The following FBLN5 variants were observed in gnomAD, a reference collection of about 807,000 sequenced individuals.
FBLN5 encodes the protein fibulin-5.
A neutral mutation model predicts 61.6 loss-of-function variants in FBLN5; 24 were observed. The observed-to-expected ratio is 0.39, with a 90% confidence interval of 0.28 to 0.55. FBLN5 has a LOEUF of 0.55. Among genes scored for constraint, FBLN5 ranks in the 20% least tolerant of loss-of-function variants. FBLN5 has a pLI of 0.65. For synonymous variants in FBLN5, 213 were observed against 219.8 expected (o/e 0.97, Z 0.27); for missense variants, 470 against 594.1 (o/e 0.79, Z 2.17).
intron 4 of FBLN5, among the ~76,000 whole-genome samples, chr14:91,922,673 G>A (rs555939160): frequency 1.2e-4 from 18 of 152,338 alleles, no homozygotes; most frequent in Admixed American, 7.2e-4. Flanking sequence ...TTCCAGAGAC[G>A]TCTGATGGTG....
chr14:91,880,312 C>G (rs1889362919), intron 9 of FBLN5, among the ~76,000 whole-genome samples: 1 of 152,204 alleles, frequency 6.6e-6, no homozygotes, highest in Non-Finnish European at 1.5e-5. Context: ...CCCACTGAAT[C>G]ACACTTTAAC....
At position 91,942,136 on chromosome 14, in the gene FBLN5, G is replaced by A. The variant is rs148137041; in HGVS notation, c.72+771C>T. On this transcript the variant is annotated intron_variant, in intron 2 of 10. Transcript: ENST00000342058. ...CACTCGGAGTTTTCAGGAGGGATCT[G>A]CCCACATTTCAGGGCTGACACACAG... The A allele has an allele frequency of 2.5e-4, 116 of 456,000 alleles. 3 individuals carry two copies. Among genetic ancestry groups the A allele is most frequent in the African/African-American group, 2.0e-3 (102 of 50,164 alleles). 28.2% of individuals were successfully genotyped at this position (456,000 alleles called of 1,614,324 possible). A position where few individuals can be genotyped will look rare whatever the true frequency, so the allele number is the denominator to read the frequency against.
chr14:91,940,642 A>G, intron 2 of FBLN5, 26 bp from the exon 3 acceptor site: 24 of 1,609,052 alleles, frequency 1.5e-5, no homozygotes, highest in Non-Finnish European at 2.0e-5. Flanking sequence ...GAGGAGAAAC[A>G]GGCAAGGTCA....
chr14:91,926,225 C>T (rs74071631), intron 4 of FBLN5, among the ~76,000 whole-genome samples: 7,391 of 152,196 alleles, frequency 0.049, 351 homozygotes, highest in East Asian at 0.17. Context: ...CACCTGCCTG[C>T]CCTCGGTGCC....
At chr14:91,870,487 C>A (rs1314368737) in intron 10 of FBLN5, 102 bp from the exon 11 acceptor site, 9 of 1,102,252 alleles carry the variant, frequency 8.2e-6, no homozygotes, top group Non-Finnish European at 1.3e-5. Flanking sequence ...ACTGGCACCC[C>A]CTCGGTGCCT....
chr14:91,883,644 G>GT (rs144428567), intron 7 of FBLN5, among the ~76,000 whole-genome samples: 5,658 of 26,540 alleles, frequency 0.21, 489 homozygotes, highest in African/African-American at 0.39. Context: ...ACTTCACTGT[G>GT]TAAAAAAAAA....
intron 1 of FBLN5, among the ~76,000 whole-genome samples, chr14:91,945,691 C>T (rs562520866): frequency 1.3e-5 from 2 of 152,252 alleles, no homozygotes; most frequent in South Asian, 2.1e-4. Flanking sequence ...GGCCCTGATA[C>T]GATCTTAGGA....
chr14:91,922,313 AG>A (rs1324614060), intron 4 of FBLN5, among the ~76,000 whole-genome samples: 2 of 132,178 alleles, frequency 1.5e-5, no homozygotes, highest in Non-Finnish European at 3.2e-5. Flanking sequence ...ATAATAATAA[AG>A]TAAATAAATA....
Position 91,870,334 on chromosome 14 carries a change from G to A in FBLN5, c.1237C>T (p.Pro413Ser). 6.2e-7 allele frequency: 1 copy of A among 1,614,174 alleles called. No homozygotes were observed. Among genetic ancestry groups the A allele is most frequent in the Non-Finnish European group, 8.5e-7 (1 of 1,180,012 alleles). The change falls in exon 11 of 11, where the codon CCC becomes TCC. Residue 413 changes from proline to serine, a missense_variant. Transcript: ENST00000342058. ...TCCAAGTCCAGCTGGATTTCCCGGGGCCCTTTGATGGGGCGTGTCATCACC... is the reference window on the plus strand; with the variant it reads ...TCCAAGTCCAGCTGGATTTCCCGGGACCCTTTGATGGGGCGTGTCATCACC... ...TLVMTRPIKG[P>S]REIQLDLEMI... is the part of the protein sequence containing the mutation.
chr14:91,902,444 C>T (rs1890500214), intron 4 of FBLN5, among the ~76,000 whole-genome samples: 1 of 152,122 alleles, frequency 6.6e-6, no homozygotes, highest in African/African-American at 2.4e-5. Flanking sequence ...GTTTCCAAAC[C>T]TGGTTACCCA....
At chr14:91,900,109 T>G (rs760420049) in intron 4 of FBLN5, among the ~76,000 whole-genome samples, 1 of 152,204 alleles carries the variant, frequency 6.6e-6, no homozygotes, top group Non-Finnish European at 1.5e-5. Context: ...CATTGTTGAT[T>G]TATGCCCATT....
intron 4 of FBLN5, among the ~76,000 whole-genome samples, chr14:91,934,983 C>T (rs951996663): frequency 6.6e-6 from 1 of 152,164 alleles, no homozygotes; most frequent in Non-Finnish European, 1.5e-5. Flanking sequence ...CTGTGTAAAA[C>T]CAGGAAACCA....
intron 5 of FBLN5, among the ~76,000 whole-genome samples, chr14:91,894,427 ACCG>A (rs1890131706): frequency 6.2e-3 from 692 of 110,880 alleles, no homozygotes; most frequent in Middle Eastern, 0.02. Flanking sequence ...AAAAAAAAAA[ACCG>A]AAAAAAACCA....
chr14:91,938,026 A>T (rs904338801), intron 3 of FBLN5, among the ~76,000 whole-genome samples: 2 of 152,254 alleles, frequency 1.3e-5, no homozygotes, highest in Non-Finnish European at 2.9e-5. Flanking sequence ...TTATCTGCAG[A>T]TGTACCATCT....
Position 91,882,740 on chromosome 14 carries a change from T to A in FBLN5, c.862+214A>T, listed in dbSNP as rs1889535354. ...ACAGAAGTTTAAGTGGCCAATATCCTGGCCAAAGGACGGGTTACAGGGAAG... is the reference window on the plus strand; with the variant it reads ...ACAGAAGTTTAAGTGGCCAATATCCAGGCCAAAGGACGGGTTACAGGGAAG... On this transcript the variant is annotated intron_variant, in intron 8 of 10. Transcript: ENST00000342058. This position sits in a 1 kb window ranked among gnomAD's most constrained non-coding sequence, Gnocchi z 4.9. Among the ~76,000 whole-genome samples the A allele has an allele frequency of 6.6e-6, 1 of 152,188 alleles. No individual in the cohort carries two copies. The highest frequency in any genetic ancestry group is 1.5e-5 in the Non-Finnish European group (1 of 68,030).
At chr14:91,880,694 C>T (rs1000281862) in intron 9 of FBLN5, among the ~76,000 whole-genome samples, 3 of 152,022 alleles carry the variant, frequency 2.0e-5, no homozygotes, top group East Asian at 1.9e-4. Context: ...ACTACAGGCC[C>T]GTGCCACCAG....
chr14:91,914,841 T>TTTTGC (rs1891120530), intron 4 of FBLN5, among the ~76,000 whole-genome samples: 6 of 151,676 alleles, frequency 4.0e-5, no homozygotes, highest in African/African-American at 1.5e-4. Context: ...TTTTGTTTTG[T>TTTTGC]TTTGTTTTTT....
intron 3 of FBLN5, 68 bp downstream of exon 3, chr14:91,940,497 A>G: frequency 7.8e-7 from 1 of 1,282,954 alleles, no homozygotes; most frequent in Non-Finnish European, 1.1e-6. Context: ...CAACAGAGAA[A>G]GAAATAAATA....
chr14:91,934,059 C>T (rs750461333), intron 4 of FBLN5, among the ~76,000 whole-genome samples: 21 of 150,438 alleles, frequency 1.4e-4, no homozygotes, highest in Admixed American at 1.3e-3. Flanking sequence ...TTGCAGTGAT[C>T]GAGGATCATG....
Sources: gnomAD v4.1 joint callset for allele counts (sites outside exome capture counted in the v4.1 genomes callset) on GRCh38, gnomAD v4.1.1 for gene constraint, Gnocchi (gnomAD v3.1) non-coding constraint, MANE v1.5 for transcripts, NCBI Gene and HGNC (gene_info 2026-07-23, HGNC 2026-07-21) for gene names.